QKI: variants seen among roughly 807,000 people sequenced by gnomAD.
The protein encoded by QKI is KH domain-containing RNA-binding protein QKI.
In QKI, 10 loss-of-function variants were observed where a neutral mutation model predicts 39.0. The observed-to-expected ratio is 0.26, with a 90% CI of 0.16 to 0.43. QKI has a LOEUF of 0.43. Ranked by LOEUF, QKI falls within the 20% of genes least tolerant of loss-of-function variation. The pLI is 1.00. For synonymous variants in QKI, 204 were observed against 155.4 expected (o/e 1.31, Z -2.33); for missense variants, 218 against 428.0 (o/e 0.51, Z 4.33).
intron 4 of QKI, among the ~76,000 whole-genome samples, chr6:163,556,299 G>A (rs1724711371): frequency 6.6e-6 from 1 of 152,056 alleles, no homozygotes; most frequent in African/African-American, 2.4e-5. Flanking sequence ...GATCACCTGA[G>A]GTCAGGAGTT....
intron 4 of QKI, among the ~76,000 whole-genome samples, chr6:163,552,255 C>T (rs1782279806): frequency 7.9e-6 from 1 of 127,146 alleles, no homozygotes; most frequent in African/African-American, 3.0e-5. Context: ...GTTGCCTAGG[C>T]CGGAGTGCAG....
chr6:163,449,945 G>GT (rs1473244993), intron 1 of QKI, among the ~76,000 whole-genome samples: 2 of 151,690 alleles, frequency 1.3e-5, no homozygotes, highest in Non-Finnish European at 2.9e-5. Flanking sequence ...TGATTGATCT[G>GT]TTAGTTAAAT....
At position 163,430,179 on chromosome 6, in the gene QKI, C is replaced by T. The variant is rs1200606786; in HGVS notation, c.142+14844C>T. On this transcript the variant is annotated intron_variant, in intron 1 of 7. Coordinates refer to ENST00000361752, the MANE Select transcript of QKI (RefSeq NM_006775.3). ...AGAGAGAGCTTTTTATACCTTTGGT[C>T]TTAGCTTTTTCCTTTATCTGCCTCC... 3.3e-5 allele frequency among the ~76,000 whole-genome samples: 5 copies of T among 152,228 alleles called. No homozygotes were observed. In the South Asian group the frequency reaches 8.3e-4, roughly 25 times the overall value.
At chr6:163,513,731 A>G (rs1054043333) in intron 3 of QKI, among the ~76,000 whole-genome samples, 2 of 152,150 alleles carry the variant, frequency 1.3e-5, no homozygotes, top group African/African-American at 4.8e-5. Flanking sequence ...TTGTCAAGAA[A>G]TGTGAAGCGC....
At chr6:163,458,318 GAAGACTA>G (rs891430382) in intron 2 of QKI, among the ~76,000 whole-genome samples, 9 of 152,156 alleles carry the variant, frequency 5.9e-5, no homozygotes, top group South Asian at 2.1e-4. Context: ...ACAAGATTAT[GAAGACTA>G]AAGAGTTAAT....
At chr6:163,569,268 T>A (rs1783560015) in intron 7 of QKI, 1 of 990,444 alleles carries the variant, frequency 1.0e-6, no homozygotes, top group African/African-American at 1.8e-5. Flanking sequence ...ATTTATAAAC[T>A]GTTCTAAATG....
chr6:163,419,215 C>A (rs1341953308), intron 1 of QKI, among the ~76,000 whole-genome samples: 1 of 152,052 alleles, frequency 6.6e-6, no homozygotes, highest in African/African-American at 2.4e-5. Flanking sequence ...TTAAAACTTG[C>A]TTAAATAGTT....
intron 4 of QKI, among the ~76,000 whole-genome samples, chr6:163,556,809 C>T (rs1782657724): frequency 6.6e-6 from 1 of 152,270 alleles, no homozygotes; most frequent in Admixed American, 6.5e-5. Flanking sequence ...TCTCAAGGCA[C>T]TTCCCCGATA....
chr6:163,546,858 C>T (rs1781911585), intron 4 of QKI, among the ~76,000 whole-genome samples: 1 of 151,520 alleles, frequency 6.6e-6, no homozygotes, highest in African/African-American at 2.4e-5. Context: ...TGGGAATTAA[C>T]TCTGAAACCA....
chr6:163,439,358 G>T (rs1271388554), intron 1 of QKI, among the ~76,000 whole-genome samples: 2 of 147,314 alleles, frequency 1.4e-5, no homozygotes, highest in Admixed American at 1.4e-4. Context: ...TTTTTTTCGG[G>T]GGGGTGGGGG....
intron 4 of QKI, among the ~76,000 whole-genome samples, chr6:163,537,925 A>T (rs773647044): frequency 5.9e-5 from 9 of 152,248 alleles, no homozygotes; most frequent in Non-Finnish European, 1.2e-4. Flanking sequence ...AAAAGAATAC[A>T]AAACTCCTTA....
chr6:163,523,307 A>T (rs1413383115), intron 3 of QKI, among the ~76,000 whole-genome samples: 1 of 152,252 alleles, frequency 6.6e-6, no homozygotes, highest in Non-Finnish European at 1.5e-5. Flanking sequence ...AAAAATACAC[A>T]TGTGGAATGC....
chr6:163,544,079 T>C (rs1781715227), intron 4 of QKI, among the ~76,000 whole-genome samples: 1 of 152,088 alleles, frequency 6.6e-6, no homozygotes, highest in Admixed American at 6.6e-5. Context: ...TAAACTGGAT[T>C]ATTCAGGTTG....
At chr6:163,542,220 T>C (rs1271684327) in intron 4 of QKI, among the ~76,000 whole-genome samples, 2 of 152,024 alleles carry the variant, frequency 1.3e-5, no homozygotes, top group African/African-American at 4.8e-5. Context: ...ATGGGAATGC[T>C]TCTCAGGTAT....
At chr6:163,477,213 A>G (rs1792685751) in intron 2 of QKI, among the ~76,000 whole-genome samples, 1 of 151,898 alleles carries the variant, frequency 6.6e-6, no homozygotes, top group African/African-American at 2.4e-5. Flanking sequence ...ATGGGGTTTC[A>G]CCATGTTGGC....
chr6:163,463,567 C>T (rs563606063), intron 2 of QKI, among the ~76,000 whole-genome samples: 3 of 152,198 alleles, frequency 2.0e-5, no homozygotes, highest in African/African-American at 7.2e-5. Flanking sequence ...CTGTGGTATG[C>T]GAATTAGGAT....
intron 1 of QKI, among the ~76,000 whole-genome samples, chr6:163,453,279 A>G (rs901625847): frequency 1.3e-5 from 2 of 151,736 alleles, no homozygotes; most frequent in African/African-American, 4.8e-5. Flanking sequence ...TTTATTTCAG[A>G]TGTTTGCATC....
At chr6:163,537,741 A>G (rs1158754348) in intron 4 of QKI, among the ~76,000 whole-genome samples, 2 of 152,130 alleles carry the variant, frequency 1.3e-5, no homozygotes, top group Non-Finnish European at 2.9e-5. Context: ...TCTCTCTCAG[A>G]TTTGCTTACC....
chr6:163,516,955 A>T (rs9347757), intron 3 of QKI, among the ~76,000 whole-genome samples: 151,933 of 152,238 alleles, frequency 1, 75,819 homozygotes, highest in Middle Eastern at 1. Context: ...ATGGGATGTT[A>T]TAAGTTTTAT....
Sources: allele counts gnomAD v4.1 joint callset (sites outside exome capture counted in the v4.1 genomes callset), GRCh38; gene constraint gnomAD v4.1.1; transcripts MANE v1.5; gene names NCBI Gene and HGNC (gene_info 2026-07-23, HGNC 2026-07-21).